The following RARB variants were observed in gnomAD, a reference collection of about 807,000 sequenced individuals.
The protein encoded by RARB is retinoic acid receptor beta.
RARB carries 17 observed loss-of-function variants against 51.9 expected under a neutral mutation model. The ratio of observed to expected loss-of-function variants is 0.33; its 90% CI spans 0.22 to 0.49. The LOEUF (loss-of-function observed/expected upper bound fraction) is 0.49, where lower values mean the gene tolerates loss of function less well. Among genes scored for constraint, RARB ranks in the 20% least tolerant of loss-of-function variants. RARB has a pLI of 0.99. For missense variants in RARB, 369 were observed against 550.8 expected (o/e 0.67, Z 3.30); for synonymous variants, 215 against 195.4 (o/e 1.10, Z -0.84).
In RARB at chr3:25,290,583, G is replaced by A. The variant is rs991751275; in HGVS notation, c.178+116008G>A. ...GATTCCTTCATGGTCCCTTTAAAAC[G>A]TTCAAAAGGCTTTACAAGGAGTATC... On this transcript the variant is annotated intron_variant, in intron 5 of 11. Transcript: ENST00000383772. 5.3e-5 allele frequency among the ~76,000 whole-genome samples: 8 copies of A among 152,252 alleles called. No individual in the cohort carries two copies. The East Asian group carries it at 7.7e-4, about 15-fold the overall frequency.
intron 2 of RARB, among the ~76,000 whole-genome samples, chr3:25,494,253 G>GCGCGCACACTCACACACACA (rs1553623183): frequency 7.6e-6 from 1 of 131,852 alleles, no homozygotes; most frequent in African/African-American, 2.6e-5. Flanking sequence ...TGTATCTTAC[G>GCGCGCACACTCACACACACA]CACACACACA....
chr3:25,463,360 G>A lies in RARB; in HGVS notation c.306+2019G>A, dbSNP rs188551580. ...TCATACATAGTCTGGCATATAGTGG[G>A]TGCTTAAAGATTGAACAAATTTGGC... is the stretch of plus-strand genomic sequence containing the variant. On this transcript the variant is annotated intron_variant, in intron 2 of 7. Coordinates refer to ENST00000330688, the MANE Select transcript of RARB (RefSeq NM_000965.5). 4.1e-4 allele frequency among the ~76,000 whole-genome samples: 63 copies of A among 152,092 alleles called. 1 individual carries two copies. The East Asian group carries it at 5.2e-3, about 13-fold the overall frequency.
Position 25,331,945 on chromosome 3 carries a change from GAC to G in RARB, c.179-129244_179-129243del, listed in dbSNP as rs199786040. 7.5e-3 allele frequency among the ~76,000 whole-genome samples: 1,142 copies of G among 152,186 alleles called. 10 individuals are homozygous for G. Among genetic ancestry groups the G allele is most frequent in the African/African-American group, 0.024 (998 of 41,508 alleles). On this transcript the variant is annotated intron_variant, in intron 5 of 11. Coordinates refer to the RARB transcript ENST00000383772. Reference sequence around the variant, plus strand: ...TCTAGAAGAAATGGATAAATACCTGGACACATACACCCTCCCAAGACTAAACC... The same window carrying G: ...TCTAGAAGAAATGGATAAATACCTGGACATACACCCTCCCAAGACTAAACC...
chr3:25,144,197 T>A (rs1425740586), intron 4 of RARB, among the ~76,000 whole-genome samples: 2 of 152,174 alleles, frequency 1.3e-5, no homozygotes, highest in African/African-American at 4.8e-5. Flanking sequence ...TAGATAAGTA[T>A]CTGAAAAGTT....
chr3:24,871,918 T>TATCCCATCTC (rs1702956080), intron 2 of RARB, among the ~76,000 whole-genome samples: 1 of 152,170 alleles, frequency 6.6e-6, no homozygotes, highest in Non-Finnish European at 1.5e-5. Flanking sequence ...TGCGGAATCT[T>TATCCCATCTC]ATCCCATCTC....
intron 2 of RARB, among the ~76,000 whole-genome samples, chr3:24,860,525 T>C (rs1702730952): frequency 6.6e-6 from 1 of 152,140 alleles, no homozygotes; most frequent in Non-Finnish European, 1.5e-5. Flanking sequence ...TTCCTCAGTG[T>C]AGGCAAACTC....
chr3:25,130,317 C>T (rs1025707595), intron 3 of RARB, among the ~76,000 whole-genome samples: 1 of 152,020 alleles, frequency 6.6e-6, no homozygotes, highest in Non-Finnish European at 1.5e-5. Context: ...GCTAAAATGT[C>T]ACCTAAACAT....
In RARB at chr3:25,001,736, C is replaced by G. The variant is rs150456935; in HGVS notation, c.-379-58389C>G. ...CATCCCATCTTTGCTAAATGCAACT[C>G]ATTTGCACATGATTTTTTACTTATC... On this transcript the variant is annotated intron_variant, in intron 2 of 11. Transcript: ENST00000383772. Among the ~76,000 whole-genome samples the G allele has an allele frequency of 4.5e-3, 681 of 152,292 alleles. 1 individual carries two copies. Among genetic ancestry groups the G allele is most frequent in the Non-Finnish European group, 6.6e-3 (448 of 68,012 alleles).
chr3:25,278,645 G>A (rs1169019176), intron 5 of RARB, among the ~76,000 whole-genome samples: 3 of 152,148 alleles, frequency 2.0e-5, no homozygotes, highest in Non-Finnish European at 4.4e-5. Flanking sequence ...TCATCTAAAT[G>A]GGTAGAAACC....
intron 5 of RARB, among the ~76,000 whole-genome samples, chr3:25,207,848 A>AT (rs1701591681): frequency 6.6e-6 from 1 of 152,222 alleles, no homozygotes; most frequent in African/African-American, 2.4e-5. Flanking sequence ...AAACTAGGTA[A>AT]TTTATAGAGA....
Position 24,875,243 on chromosome 3 carries a change from C to T in RARB, c.-380+16491C>T, listed in dbSNP as rs143463043. On this transcript the variant is annotated intron_variant, in intron 2 of 11. Transcript: ENST00000383772. The stretch of plus-strand genomic sequence containing the variant: ...TTAGTGAACCAACTGTATTGGTTGC[C>T]GAAGTTGATACTATATCTAGGAAAT... Among the ~76,000 whole-genome samples, 6 of 152,022 alleles carry T rather than the reference C, an allele frequency of 3.9e-5. No homozygotes were observed. In the East Asian group the frequency reaches 9.7e-4, roughly 24 times the overall value.
intron 1 of RARB, among the ~76,000 whole-genome samples, chr3:24,848,267 C>CCCAGACTAGT (rs1199798397): frequency 7.2e-5 from 11 of 152,146 alleles, no homozygotes; most frequent in Non-Finnish European, 1.3e-4. Context: ...TGCCATGTTG[C>CCCAGACTAGT]CCAGACTAGT....
intron 2 of RARB, among the ~76,000 whole-genome samples, chr3:24,893,386 G>A (rs1333497779): frequency 6.6e-6 from 1 of 152,204 alleles, no homozygotes; most frequent in Non-Finnish European, 1.5e-5. Flanking sequence ...AATGCTTGAA[G>A]ACATTGACAG....
intron 1 of RARB, among the ~76,000 whole-genome samples, chr3:24,848,865 T>C (rs1702518263): frequency 6.6e-6 from 1 of 152,238 alleles, no homozygotes; most frequent in Non-Finnish European, 1.5e-5. Flanking sequence ...GGTATGACTG[T>C]CTATGCCTTA....
chr3:25,570,509 T>C (rs1470893693), intron 4 of RARB, among the ~76,000 whole-genome samples: 1 of 152,166 alleles, frequency 6.6e-6, no homozygotes, highest in Non-Finnish European at 1.5e-5. Context: ...TGAGTGAATG[T>C]TCCCCCTCTG....
chr3:24,879,118 C>T (rs1380656318), intron 2 of RARB, among the ~76,000 whole-genome samples: 1 of 151,766 alleles, frequency 6.6e-6, no homozygotes, highest in Non-Finnish European at 1.5e-5. Flanking sequence ...TTTTGGTAAT[C>T]TTTAAGGCCT....
At chr3:25,194,477 G>A (rs1035201082) in intron 5 of RARB, among the ~76,000 whole-genome samples, 1 of 148,484 alleles carries the variant, frequency 6.7e-6, no homozygotes, top group Non-Finnish European at 1.5e-5. Flanking sequence ...ATACAGTAGT[G>A]TGTATATATA....
chr3:24,981,227 G>A (rs982389454), intron 2 of RARB, among the ~76,000 whole-genome samples: 1 of 152,218 alleles, frequency 6.6e-6, no homozygotes, highest in Admixed American at 6.5e-5. Flanking sequence ...ACAGGAGTCA[G>A]GGACCCACTT....
rs180875881 is a variant in RARB at position 25,212,019 on chromosome 3, C to T, written c.178+37444C>T. On this transcript the variant is annotated intron_variant, in intron 5 of 11. Transcript: ENST00000383772. The stretch of plus-strand genomic sequence containing the variant: ...GAGATATATTTTACTACCTAAATTT[C>T]ACTTTGTTTGGCTGGGTATTTCTGT... Among the ~76,000 whole-genome samples the T allele has an allele frequency of 7.9e-5, 12 of 152,194 alleles. No homozygotes were observed. In the East Asian group the frequency reaches 1.4e-3, roughly 17 times the overall value.
Sources: allele counts gnomAD v4.1 joint callset (sites outside exome capture counted in the v4.1 genomes callset), GRCh38; gene constraint gnomAD v4.1.1; transcripts MANE v1.5; gene names NCBI Gene and HGNC (gene_info 2026-07-23, HGNC 2026-07-21).